Variants in IL24 observed in about 807,000 individuals in gnomAD.
The protein encoded by IL24 is interleukin 24.
Under a neutral mutation model 27.6 loss-of-function variants are expected in IL24, and 24 were observed. The observed-to-expected ratio is 0.87, with a 90% confidence interval of 0.63 to 1.22. IL24 has a LOEUF of 1.22. Among genes scored for constraint, IL24 ranks in the 50% most tolerant of loss-of-function variants. The pLI, the probability that IL24 is intolerant of heterozygous loss-of-function variation, is 0.00. For missense variants in IL24, 240 were observed against 237.0 expected, an observed-to-expected ratio of 1.01 and a Z score of -0.08; for synonymous variants, 99 against 93.1, an observed-to-expected ratio of 1.06 and a Z score of -0.36.
rs1678458098 is a variant in IL24 at position 206,903,020 on chromosome 1, C to T, written c.582C>T (p.Asp194=). The change falls in exon 7 of 7, where the codon GAC becomes GAT. Residue 194 remains aspartate (D), a synonymous_variant. Transcript: ENST00000294984. The stretch of plus-strand genomic sequence containing the variant: ...TGACCAAAGCCCTTGGGGAAGTGGA[C>T]ATTCTTCTGACCTGGATGCAGAAAT... ...AALTKALGEV[D]ILLTWMQKFY... is the part of the protein sequence containing the mutation. 20 of 1,614,086 alleles carry T rather than the reference C, an allele frequency of 1.2e-5. No homozygotes were observed. The highest frequency in any genetic ancestry group is 1.7e-5 in the Non-Finnish European group (20 of 1,180,028).
In IL24 at chr1:206,899,582, G is replaced by T. The variant is rs899825384; in HGVS notation, c.240+67G>T. On this transcript the variant is annotated intron_variant, in intron 3 of 6. Coordinates refer to ENST00000294984, the MANE Select transcript of IL24 (RefSeq NM_006850.3). ...GGGGGCAGTGGGCCAGTGGGGCGAGGGGATGCTATTTTATGATTCTGGAGT... is the reference window on the plus strand; with the variant it reads ...GGGGGCAGTGGGCCAGTGGGGCGAGTGGATGCTATTTTATGATTCTGGAGT... 2.4e-5 allele frequency: 32 copies of T among 1,313,336 alleles called. No individual in the cohort carries two copies. The East Asian group carries it at 7.7e-4, about 32-fold the overall frequency. 81.4% of individuals were successfully genotyped at this position (1,313,336 alleles called of 1,614,324 possible). A position where few individuals can be genotyped will look rare whatever the true frequency, so the allele number is the denominator to read the frequency against.
intron 5 of IL24, 50 bp from the exon 6 acceptor site, chr1:206,901,948 A>G (rs1678402630): frequency 1.9e-6 from 3 of 1,577,162 alleles, no homozygotes; most frequent in Non-Finnish European, 2.6e-6. Context: ...GGGAGTTTGC[A>G]TCTGCTCCTA....
chr1:206,900,371 G>C lies in IL24; in HGVS notation c.303+14G>C. 1.2e-6 allele frequency: 2 copies of C among 1,613,056 alleles called. No homozygotes were observed. Among genetic ancestry groups the C allele is most frequent in the Non-Finnish European group, 1.7e-6 (2 of 1,179,042 alleles). ...CAGAACGTCTCGGTAATCAGACCTCGGGGACACCACCCTCTGTGGGACGGG... is the reference window on the plus strand; with the variant it reads ...CAGAACGTCTCGGTAATCAGACCTCCGGGACACCACCCTCTGTGGGACGGG... On this transcript the variant is annotated intron_variant, in intron 4 of 6. Transcript: ENST00000294984.
In IL24 at chr1:206,900,303, G is replaced by C. The variant is rs1678326651; in HGVS notation, c.249G>C (p.Gln83His). The change falls in exon 4 of 7, where the codon CAG becomes CAC. Residue 83 changes from glutamine (Q) to histidine (H), a missense_variant. Physicochemically the swap from Gln to His is conservative, Grantham distance 24. Transcript: ENST00000294984. The stretch of plus-strand genomic sequence containing the variant: ...TCTTTCTGTTTGCCAAGCAAGCTCA[G>C]GATAACATCACGAGTGCCCGGCTGC... ...FWAVKDTMQA[Q>H]DNITSARLLQ... The C allele has an allele frequency of 6.2e-7, 1 of 1,613,682 alleles. No homozygotes were observed. The highest frequency in any genetic ancestry group is 8.5e-7 in the Non-Finnish European group (1 of 1,179,930).
In IL24 at chr1:206,903,118, A is replaced by G. The variant is rs1572609683; in HGVS notation, c.*59A>G. 1.4e-6 allele frequency: 2 copies of G among 1,396,988 alleles called. No homozygotes were observed. The highest frequency in any genetic ancestry group is 4.6e-5 in the East Asian group (2 of 43,792). The allele number at this position is 1,396,988 out of a possible 1,614,324, so 86.5% of individuals were successfully genotyped here. A position where few individuals can be genotyped will look rare whatever the true frequency, so the allele number is the denominator to read the frequency against. Reference sequence around the variant, plus strand: ...TGGTTTGTTCCCTGTGTCATTTCAAACAGTCTCCCTTCCTATGCTGTTCAC... The same window carrying G: ...TGGTTTGTTCCCTGTGTCATTTCAAGCAGTCTCCCTTCCTATGCTGTTCAC... On this transcript the variant is annotated 3_prime_UTR_variant, in exon 7 of 7. Transcript: ENST00000294984.
intron 2 of IL24, among the ~76,000 whole-genome samples, chr1:206,898,643 C>A (rs1411737448): frequency 6.6e-6 from 1 of 152,138 alleles, no homozygotes; most frequent in Non-Finnish European, 1.5e-5. Context: ...CAGAGGAAGG[C>A]TTTAGAGATG....
At chr1:206,902,350 G>A (rs1269530820) in intron 6 of IL24, 1 of 985,350 alleles carries the variant, frequency 1.0e-6, no homozygotes, top group African/African-American at 1.7e-5. Context: ...AGGTACTTGG[G>A]CTGGGCAACT....
Position 206,901,511 on chromosome 1 carries a change from C to A in IL24, c.321C>A (p.Tyr107Ter). 1.2e-6 allele frequency: 2 copies of A among 1,613,208 alleles called. No individual in the cohort carries two copies. Among genetic ancestry groups the A allele is most frequent in the Non-Finnish European group, 1.7e-6 (2 of 1,179,438 alleles). Residue 107 changes from tyrosine to a stop codon, truncating the protein, a stop_gained, in exon 5 of 7, where the codon TAC becomes TAA. Coordinates refer to ENST00000294984, the MANE Select transcript of IL24 (RefSeq NM_006850.3). LOFTEE classifies it high-confidence loss of function. Reference protein sequence around the residue: ...LQNVSDAESCYLVHTLLEFYL... With the variant: ...LQNVSDAESC The stretch of plus-strand genomic sequence containing the variant: ...TTCCCCAGGATGCTGAGAGCTGTTA[C>A]CTTGTCCACACCCTGCTGGAGTTCT...
intron 6 of IL24, chr1:206,902,675 C>T (rs1332344673): frequency 2.0e-6 from 2 of 985,174 alleles, no homozygotes; most frequent in African/African-American, 3.5e-5. Flanking sequence ...GCAGTGGATT[C>T]AGGTGGTGGG....
At chr1:206,899,667 G>A in intron 3 of IL24, 152 bp downstream of exon 3, 2 of 628,764 alleles carry the variant, frequency 3.2e-6, no homozygotes, top group Non-Finnish European at 5.1e-6. Flanking sequence ...GAGGTCAGAA[G>A]GCACCACAAG....
In IL24 at chr1:206,900,304, G is replaced by C. The variant is rs751737427; in HGVS notation, c.250G>C (p.Asp84His). ...CTTTCTGTTTGCCAAGCAAGCTCAG[G>C]ATAACATCACGAGTGCCCGGCTGCT... is the stretch of plus-strand genomic sequence containing the variant. ...WAVKDTMQAQ[D>H]NITSARLLQQ... Residue 84 changes from aspartate (D) to histidine (H), a missense_variant, in exon 4 of 7, where the codon GAT becomes CAT. Coordinates refer to ENST00000294984, the MANE Select transcript of IL24 (RefSeq NM_006850.3). 1 of 1,613,748 alleles carries C rather than the reference G, an allele frequency of 6.2e-7. No individual in the cohort carries two copies. The highest frequency in any genetic ancestry group is 2.2e-5 in the East Asian group (1 of 44,828).
intron 4 of IL24, among the ~76,000 whole-genome samples, chr1:206,900,620 T>C (rs1678343152): frequency 6.6e-6 from 1 of 152,210 alleles, no homozygotes; most frequent in Non-Finnish European, 1.5e-5. Context: ...TATATATTTC[T>C]CTTTTACTTG....
intron 6 of IL24, 100 bp downstream of exon 6, chr1:206,902,172 G>A: frequency 5.2e-6 from 8 of 1,533,490 alleles, no homozygotes; most frequent in Non-Finnish European, 7.0e-6. Flanking sequence ...TGTAATGCAG[G>A]GGACACCATC....
rs1399150067 is a variant in IL24, at chr1:206,903,659, C to T, written c.*600C>T. On this transcript the variant is annotated 3_prime_UTR_variant, in exon 7 of 7. Coordinates refer to ENST00000294984, the MANE Select transcript of IL24 (RefSeq NM_006850.3). ...AAGTGCCCAGCACAAAGCAGATCCT[C>T]AATAAACATTTCATTTCCCACCCAC... The T allele has an allele frequency of 6.6e-6, 1 of 152,322 alleles. No homozygotes were observed. The highest frequency in any genetic ancestry group is 2.4e-5 in the African/African-American group (1 of 41,424). The allele number at this position is 152,322 out of a possible 1,614,324, so 9.4% of individuals were successfully genotyped here.
At position 206,897,857 on chromosome 1, in the gene IL24, A is replaced by G. The variant is rs199721446; in HGVS notation, c.25A>G (p.Ser9Gly). 6.2e-7 allele frequency: 1 copy of G among 1,608,606 alleles called. No homozygotes were observed. Among genetic ancestry groups the G allele is most frequent in the Admixed American group, 1.7e-5 (1 of 59,516 alleles). ...GATGAATTTTCAACAGAGGCTGCAA[A>G]GCCTGTGGACTTTAGCCAGGTGCGG... is the stretch of plus-strand genomic sequence containing the variant. MNFQQRLQ[S>G]LWTLARPFCP... Residue 9 changes from serine to glycine, a missense_variant, in exon 2 of 7, where the codon AGC (serine) becomes GGC (glycine). By Grantham distance (56) the Ser-to-Gly change is moderately conservative. Transcript: ENST00000294984.
chr1:206,898,164 C>CAAAAAA (rs59175256), intron 2 of IL24, among the ~76,000 whole-genome samples: 1 of 100,028 alleles, frequency 1.0e-5, no homozygotes, highest in Non-Finnish European at 2.0e-5. Flanking sequence ...GAAATTCTGT[C>CAAAAAA]AAAAAAAAAA....
Position 206,901,609 on chromosome 1 carries a change from T to A in IL24, c.419T>A (p.Leu140Gln). Reference sequence around the variant, plus strand: ...AGGACTCTGAAGTCATTCTCTACTCTGGCCAACAACTTTGTTCTCATCGTG... The same window carrying A: ...AGGACTCTGAAGTCATTCTCTACTCAGGCCAACAACTTTGTTCTCATCGTG... Reference protein sequence around the residue: ...EVRTLKSFSTLANNFVLIVSQ... With the variant: ...EVRTLKSFSTQANNFVLIVSQ... The change falls in exon 5 of 7, where the codon CTG (leucine) becomes CAG (glutamine). Residue 140 changes from leucine (L) to glutamine (Q), a missense_variant. By Grantham distance (113) the Leu-to-Gln change is moderately radical (BLOSUM62 -2). Transcript: ENST00000294984. 6.2e-7 allele frequency: 1 copy of A among 1,614,226 alleles called. No homozygotes were observed. Among genetic ancestry groups the A allele is most frequent in the Middle Eastern group, 1.7e-4 (1 of 6,056 alleles).
chr1:206,902,861 C>T (rs1678449882), intron 6 of IL24, 115 bp from the exon 7 acceptor site: 1 of 1,583,624 alleles, frequency 6.3e-7, no homozygotes, highest in East Asian at 2.2e-5. Flanking sequence ...TGGGCTCATC[C>T]CAAAGGTGAC....
intron 2 of IL24, among the ~76,000 whole-genome samples, chr1:206,899,037 C>A (rs1448996926): frequency 6.6e-6 from 1 of 152,124 alleles, no homozygotes; most frequent in Non-Finnish European, 1.5e-5. Flanking sequence ...GAGAGAACTG[C>A]GATGGAGAAG....
Sources: gnomAD v4.1 joint callset for allele counts (sites outside exome capture counted in the v4.1 genomes callset) on GRCh38, gnomAD v4.1.1 for gene constraint, MANE v1.5 for transcripts, NCBI Gene and HGNC (gene_info 2026-07-23, HGNC 2026-07-21) for gene names.